GNG4: variants seen among roughly 807,000 people sequenced by gnomAD.
GNG4 encodes guanine nucleotide-binding protein G(I)/G(S)/G(O) subunit gamma-4.
GNG4 carries 4 observed loss-of-function variants against 5.8 expected under a neutral mutation model. The ratio of observed to expected loss-of-function variants is 0.69; its 90% confidence interval spans 0.34 to 1.57. The LOEUF (loss-of-function observed/expected upper bound fraction) is 1.57, where lower values mean the gene tolerates loss of function less well. Ranked by LOEUF, GNG4 falls within the 40% of genes most tolerant of loss-of-function variation. The pLI, the probability that GNG4 is intolerant of heterozygous loss-of-function variation, is 0.06. For synonymous variants in GNG4, 29 were observed against 32.9 expected, an observed-to-expected ratio of 0.88 and a Z score of 0.41; for missense variants, 96 against 95.1, an observed-to-expected ratio of 1.01 and a Z score of -0.04.
intron 3 of GNG4, among the ~76,000 whole-genome samples, chr1:235,574,105 A>G (rs530585088): frequency 1.8e-4 from 27 of 152,256 alleles, no homozygotes; most frequent in Non-Finnish European, 3.1e-4. Context: ...TTAAAAATAA[A>G]CAAGTACCTA....
chr1:235,619,573 C>T (rs769829510), intron 1 of GNG4, among the ~76,000 whole-genome samples: 5 of 152,168 alleles, frequency 3.3e-5, no homozygotes, highest in Non-Finnish European at 7.3e-5. Context: ...GGGAGGAAAA[C>T]TTCAGTGATT....
chr1:235,583,452 T>C (rs1436594566), intron 3 of GNG4, among the ~76,000 whole-genome samples: 2 of 152,266 alleles, frequency 1.3e-5, no homozygotes, highest in Non-Finnish European at 2.9e-5. Flanking sequence ...ACTCTCTTTC[T>C]TGCTTATTGG....
chr1:235,600,994 T>A (rs1688247206), intron 1 of GNG4, among the ~76,000 whole-genome samples: 1 of 152,310 alleles, frequency 6.6e-6, no homozygotes, highest in African/African-American at 2.4e-5. Context: ...CATGAAAGAA[T>A]AAACTGAGGC....
intron 3 of GNG4, among the ~76,000 whole-genome samples, chr1:235,561,254 C>T (rs1687054575): frequency 6.6e-6 from 1 of 152,130 alleles, no homozygotes; most frequent in African/African-American, 2.4e-5. Context: ...CGTGATCCGC[C>T]CACCTCGGCC....
chr1:235,621,830 C>A (rs182294503), intron 1 of GNG4, among the ~76,000 whole-genome samples: 1 of 152,006 alleles, frequency 6.6e-6, no homozygotes, highest in African/African-American at 2.4e-5. Flanking sequence ...GAGTGCACCA[C>A]CATGTCTGGC....
chr1:235,563,470 TAATC>T (rs1262973522), intron 3 of GNG4, among the ~76,000 whole-genome samples: 3 of 150,362 alleles, frequency 2.0e-5, no homozygotes, highest in African/African-American at 4.9e-5. Context: ...TTTATAATGT[TAATC>T]AATTTCAGAA....
intron 3 of GNG4, among the ~76,000 whole-genome samples, chr1:235,570,188 C>T (rs1687297780): frequency 6.6e-6 from 1 of 152,144 alleles, no homozygotes; most frequent in Admixed American, 6.6e-5. Context: ...GTCTGGATTT[C>T]TATCAGCTTC....
chr1:235,601,986 C>T (rs555177112), intron 1 of GNG4, among the ~76,000 whole-genome samples: 1 of 152,232 alleles, frequency 6.6e-6, no homozygotes, highest in Admixed American at 6.5e-5. Flanking sequence ...AATAGAAGCT[C>T]TGGGGCCAGG....
chr1:235,572,139 G>T (rs998702070), intron 3 of GNG4, among the ~76,000 whole-genome samples: 2 of 152,006 alleles, frequency 1.3e-5, no homozygotes, highest in African/African-American at 4.8e-5. Flanking sequence ...GAATACTGTA[G>T]GCAACTGTCA....
At chr1:235,562,659 G>GAAAAAAAAAAAAA (rs1318706984) in intron 3 of GNG4, among the ~76,000 whole-genome samples, 76 of 51,106 alleles carry the variant, frequency 1.5e-3, no homozygotes, top group Non-Finnish European at 1.9e-3. Flanking sequence ...AAAAAAAAAA[G>GAAAAAAAAAAAAA]AAAAAAAAAA....
At chr1:235,615,916 A>AATTC in intron 1 of GNG4, 1 of 289,194 alleles carries the variant, frequency 3.5e-6, no homozygotes, top group South Asian at 3.6e-5. Flanking sequence ...CTGGAGCTGA[A>AATTC]AGGTGTCCAC....
chr1:235,574,310 G>A (rs7554611), intron 3 of GNG4, among the ~76,000 whole-genome samples: 1 of 152,090 alleles, frequency 6.6e-6, no homozygotes, highest in Admixed American at 6.5e-5. Flanking sequence ...GGCAGAGATT[G>A]CAGTGAGCCA....
At chr1:235,635,050 C>G (rs1300795536) in intron 1 of GNG4, among the ~76,000 whole-genome samples, 1 of 152,098 alleles carries the variant, frequency 6.6e-6, no homozygotes, top group Admixed American at 6.5e-5. Flanking sequence ...GAAAATGTAC[C>G]AGAACATGGC....
At chr1:235,608,059 T>C (rs991799652) in intron 1 of GNG4, among the ~76,000 whole-genome samples, 3 of 151,596 alleles carry the variant, frequency 2.0e-5, no homozygotes, top group Admixed American at 1.3e-4. Flanking sequence ...TTCCTGAGCC[T>C]CCTGAGTTGC....
At position 235,583,857 on chromosome 1, in the gene GNG4, A is replaced by T. The variant is rs1687702286; in HGVS notation, c.-10-9T>A. 1 of 1,553,292 alleles carries T rather than the reference A, an allele frequency of 6.4e-7. No homozygotes were observed. Among genetic ancestry groups the T allele is most frequent in the African/African-American group, 1.4e-5 (1 of 73,852 alleles). ...CTTTCATTCTACTGCCCCTAGAAGT[A>T]ACCAAAGTAAAAGGGTTAGAAGAGC... On this transcript the variant is annotated splice_polypyrimidine_tract_variant and intron_variant, in intron 2 of 3. Transcript: ENST00000391854.
intron 2 of GNG4, among the ~76,000 whole-genome samples, chr1:235,586,703 C>T (rs978559728): frequency 5.3e-5 from 8 of 152,136 alleles, no homozygotes; most frequent in Non-Finnish European, 8.8e-5. Flanking sequence ...TGCTGTCTCT[C>T]TTGCTCCCAC....
intron 1 of GNG4, among the ~76,000 whole-genome samples, chr1:235,623,744 C>CG (rs1027718393): frequency 6.6e-6 from 1 of 152,102 alleles, no homozygotes; most frequent in African/African-American, 2.4e-5. Context: ...AAATTCAGAG[C>CG]GGGGGGTGCC....
chr1:235,633,067 G>C (rs943045541), intron 1 of GNG4, among the ~76,000 whole-genome samples: 3 of 152,130 alleles, frequency 2.0e-5, no homozygotes, highest in Non-Finnish European at 4.4e-5. Flanking sequence ...GCATGGAAGA[G>C]AGTATATTGG....
chr1:235,616,180 C>A, intron 1 of GNG4: 1 of 521,208 alleles, frequency 1.9e-6, no homozygotes, highest in East Asian at 5.3e-5. Context: ...TCCTGGCCAG[C>A]AGCCACTTCT....
Sources: gnomAD v4.1 joint callset for allele counts (sites outside exome capture counted in the v4.1 genomes callset) on GRCh38, gnomAD v4.1.1 for gene constraint, MANE v1.5 for transcripts, NCBI Gene and HGNC (gene_info 2026-07-23, HGNC 2026-07-21) for gene names.